SV2C: variants seen among roughly 807,000 people sequenced by gnomAD.
SV2C encodes solute carrier family 22 member B3.
A neutral mutation model predicts 79.7 loss-of-function variants in SV2C; 49 were observed. The observed-to-expected ratio is 0.61, with a 90% CI of 0.49 to 0.78. SV2C has a LOEUF of 0.78. Ranked by LOEUF, SV2C falls within the 30% of genes least tolerant of loss-of-function variation. The pLI is 0.00. For synonymous variants in SV2C, 334 were observed against 333.2 expected, an observed-to-expected ratio of 1.00 and a Z score of -0.03; for missense variants, 833 against 912.9, an observed-to-expected ratio of 0.91 and a Z score of 1.13.
At chr5:76,210,718 T>C (rs994082734) in intron 4 of SV2C, among the ~76,000 whole-genome samples, 1 of 152,166 alleles carries the variant, frequency 6.6e-6, no homozygotes, top group Non-Finnish European at 1.5e-5. Flanking sequence ...AGCTGAAAGC[T>C]CCAAGCTTAT....
chr5:76,273,487 A>AT (rs1258567686), intron 4 of SV2C, among the ~76,000 whole-genome samples: 1 of 152,124 alleles, frequency 6.6e-6, no homozygotes, highest in Non-Finnish European at 1.5e-5. Context: ...AGAAAAAAAA[A>AT]TGACCCTAAA....
intron 6 of SV2C, among the ~76,000 whole-genome samples, chr5:76,290,921 T>C (rs950932316): frequency 1.3e-5 from 2 of 152,246 alleles, no homozygotes; most frequent in African/African-American, 4.8e-5. Context: ...TGTCTGCTAA[T>C]GTGTGTCTCT....
chr5:76,011,447 T>C, the SV2C span, among the ~76,000 whole-genome samples: 1 of 152,116 alleles, frequency 6.6e-6, no homozygotes, highest in African/African-American at 2.4e-5. Flanking sequence ...TCAGAACTAT[T>C]TATCTCTGAA....
the SV2C span, among the ~76,000 whole-genome samples, chr5:75,959,032 G>T: frequency 6.6e-6 from 1 of 151,888 alleles, no homozygotes; most frequent in Non-Finnish European, 1.5e-5. Context: ...GACAGAAAAA[G>T]TCCCTTATTA....
At chr5:75,876,701 T>C in the SV2C span, among the ~76,000 whole-genome samples, 59 of 152,204 alleles carry the variant, frequency 3.9e-4, no homozygotes, top group Non-Finnish European at 7.4e-4. Flanking sequence ...GGAATAGAGC[T>C]ATGTAGGAGT....
At chr5:75,928,512 T>G in the SV2C span, among the ~76,000 whole-genome samples, 1 of 152,342 alleles carries the variant, frequency 6.6e-6, no homozygotes, top group South Asian at 2.1e-4. Context: ...CCAGGGGGTC[T>G]ATGAACTCCC....
At chr5:76,133,304 A>G (rs927706840) in intron 2 of SV2C, among the ~76,000 whole-genome samples, 1 of 152,260 alleles carries the variant, frequency 6.6e-6, no homozygotes, top group Non-Finnish European at 1.5e-5. Flanking sequence ...AAGAAAGAAT[A>G]CTTAGTATCT....
chr5:75,984,593 A>ACC, the SV2C span, among the ~76,000 whole-genome samples: 4 of 83,300 alleles, frequency 4.8e-5, no homozygotes, highest in Non-Finnish European at 7.8e-5. Flanking sequence ...CTATCTATCT[A>ACC]TCTACCTATC....
chr5:76,273,946 C>G (rs1311793017), intron 4 of SV2C, among the ~76,000 whole-genome samples: 1 of 152,176 alleles, frequency 6.6e-6, no homozygotes, highest in Non-Finnish European at 1.5e-5. Context: ...TAGAATATGA[C>G]TGCGGTTATA....
intron 4 of SV2C, among the ~76,000 whole-genome samples, chr5:76,262,719 G>A (rs892632143): frequency 2.6e-5 from 4 of 152,168 alleles, no homozygotes; most frequent in African/African-American, 4.8e-5. Context: ...AGGTTGTTCA[G>A]TTTCCATGTA....
At chr5:76,292,205 C>T (rs781381442) in intron 8 of SV2C, among the ~76,000 whole-genome samples, 1 of 152,134 alleles carries the variant, frequency 6.6e-6, no homozygotes, top group Non-Finnish European at 1.5e-5. Flanking sequence ...CGGGCCTTTG[C>T]GGTGTTCCTC....
intron 4 of SV2C, among the ~76,000 whole-genome samples, chr5:76,263,907 G>A (rs1263436570): frequency 6.6e-6 from 1 of 152,012 alleles, no homozygotes; most frequent in Non-Finnish European, 1.5e-5. Flanking sequence ...TGTGTCCTGG[G>A]GTTGCTGGTT....
chr5:76,064,737 A>G, the SV2C span, among the ~76,000 whole-genome samples: 1 of 152,192 alleles, frequency 6.6e-6, no homozygotes, highest in Non-Finnish European at 1.5e-5. Flanking sequence ...TGAGATGGTC[A>G]GAAGGTTAAG....
intron 2 of SV2C, among the ~76,000 whole-genome samples, chr5:76,189,409 A>C (rs1332116851): frequency 6.6e-6 from 1 of 152,132 alleles, no homozygotes; most frequent in African/African-American, 2.4e-5. Flanking sequence ...ACCAATTTGC[A>C]GTGACTATTC....
At chr5:76,245,916 G>GTGTGTGTGTGTGTGTGTA (rs1745929654) in intron 4 of SV2C, among the ~76,000 whole-genome samples, 1 of 74,390 alleles carries the variant, frequency 1.3e-5, no homozygotes, top group Non-Finnish European at 3.9e-5. Flanking sequence ...AGGGGAGTGT[G>GTGTGTGTGTGTGTGTGTA]TGTGTGTGTG....
intron 12 of SV2C, among the ~76,000 whole-genome samples, chr5:76,343,151 C>A (rs963396541): frequency 1.3e-5 from 2 of 152,156 alleles, no homozygotes; most frequent in African/African-American, 4.8e-5. Context: ...AGACATTCTC[C>A]TCACCTAGCA....
In SV2C at chr5:76,130,145, TAAAAAAAAAAAAAAA is replaced by T. The variant is rs375351450; in HGVS notation, c.-101-1484_-101-1470del. Among the ~76,000 whole-genome samples the T allele has an allele frequency of 7.9e-3, 534 of 67,846 alleles. 13 individuals carry two copies. Among genetic ancestry groups the T allele is most frequent in the South Asian group, 0.017 (22 of 1,268 alleles). The allele number at this position is 67,846 out of a possible 152,430, so 44.5% of individuals were successfully genotyped here. On this transcript the variant is annotated intron_variant, in intron 1 of 12. Transcript: ENST00000502798. ...CTCCCTTTCTCTTCCTCTCAGTTCTTAAAAAAAAAAAAAAAAAAAAAAAAAAAAAAAAAAAGAGCT... is the reference window on the plus strand; with the variant it reads ...CTCCCTTTCTCTTCCTCTCAGTTCTTAAAAAAAAAAAAAAAAAAAAGAGCT...
At chr5:75,953,917 G>A in the SV2C span, among the ~76,000 whole-genome samples, 1 of 151,902 alleles carries the variant, frequency 6.6e-6, no homozygotes, top group South Asian at 2.1e-4. Context: ...CAAATGAACT[G>A]TTTGCTTTTG....
Position 76,111,666 on chromosome 5 carries a change from C to A in SV2C, c.-101-19984C>A, listed in dbSNP as rs181430300. On this transcript the variant is annotated intron_variant, in intron 1 of 12. Coordinates refer to ENST00000502798, the MANE Select transcript of SV2C (RefSeq NM_014979.4). ...GACAGCATCAAGCTAATTTGCCCCCCCAGGATTAGACCAGGAAATATCAAA... is the reference window on the plus strand; with the variant it reads ...GACAGCATCAAGCTAATTTGCCCCCACAGGATTAGACCAGGAAATATCAAA... Among the ~76,000 whole-genome samples, 89 of 152,260 alleles carry A rather than the reference C, an allele frequency of 5.8e-4. 2 individuals carry two copies. The East Asian group carries it at 0.015, about 26-fold the overall frequency.
Sources: allele counts gnomAD v4.1 joint callset (sites outside exome capture counted in the v4.1 genomes callset), GRCh38; gene constraint gnomAD v4.1.1; transcripts MANE v1.5; gene names NCBI Gene and HGNC (gene_info 2026-07-23, HGNC 2026-07-21).